The following ABCB1 variants were observed in gnomAD, a reference collection of about 807,000 sequenced individuals.
ABCB1 encodes ATP binding cassette subfamily B member 1, also known as ATP-dependent translocase ABCB1.
ABCB1 carries 69 observed loss-of-function variants against 142.0 expected under a neutral mutation model. The observed-to-expected ratio is 0.49, with a 90% CI of 0.40 to 0.59. The LOEUF is 0.59. ABCB1 is among the 20% of genes least tolerant of loss of function. The pLI, the probability that ABCB1 is intolerant of heterozygous loss-of-function variation, is 0.00. For synonymous variants in ABCB1, 532 were observed against 539.2 expected, an observed-to-expected ratio of 0.99 and a Z score of 0.18; for missense variants, 1,326 against 1,554.7, an observed-to-expected ratio of 0.85 and a Z score of 2.47.
At chr7:87,585,085 C>T (rs1818680845) in intron 4 of ABCB1, among the ~76,000 whole-genome samples, 1 of 152,198 alleles carries the variant, frequency 6.6e-6, no homozygotes, top group Non-Finnish European at 1.5e-5. Context: ...CCTTCTCCAT[C>T]TCTCATTTCT....
intron 1 of ABCB1, among the ~76,000 whole-genome samples, chr7:87,621,164 A>G (rs572243847): frequency 6.6e-6 from 1 of 152,178 alleles, no homozygotes; most frequent in Admixed American, 6.5e-5. Context: ...AATGATTCTT[A>G]CGTTTCTATG....
intron 13 of ABCB1, 145 bp downstream of exon 13, chr7:87,549,706 A>G (rs1816960628): frequency 9.2e-6 from 12 of 1,305,942 alleles, no homozygotes; most frequent in South Asian, 6.0e-5. Context: ...TGATACTGCT[A>G]GAGCTTTCAA....
intron 11 of ABCB1, 32 bp downstream of exon 11, chr7:87,550,436 A>G (rs755377472): frequency 1.2e-6 from 2 of 1,605,558 alleles, no homozygotes; most frequent in Non-Finnish European, 1.7e-6. Context: ...CATTCAATAG[A>G]TTAATTGTTG....
intron 1 of ABCB1, among the ~76,000 whole-genome samples, chr7:87,662,084 A>T (rs543877949): frequency 3.3e-4 from 50 of 152,126 alleles, no homozygotes; most frequent in African/African-American, 1.1e-3. Flanking sequence ...TCTTTTGCCC[A>T]TTTTAAGTTT....
At chr7:87,525,794 G>A (rs925672568) in intron 21 of ABCB1, among the ~76,000 whole-genome samples, 7 of 152,128 alleles carry the variant, frequency 4.6e-5, no homozygotes, top group Non-Finnish European at 8.8e-5. Context: ...GGGAAAGGCA[G>A]GCACACCTGG....
chr7:87,698,288 G>C (rs967131009), intron 1 of ABCB1, among the ~76,000 whole-genome samples: 3 of 152,098 alleles, frequency 2.0e-5, no homozygotes, highest in Non-Finnish European at 2.9e-5. Context: ...TTTTAGTAGA[G>C]AGGGGGTTTC....
At chr7:87,626,921 G>A (rs1016019237) in intron 1 of ABCB1, among the ~76,000 whole-genome samples, 6 of 152,006 alleles carry the variant, frequency 3.9e-5, no homozygotes, top group East Asian at 1.9e-4. Context: ...CACTACAGGC[G>A]CGTGCCACCA....
chr7:87,610,232 C>CTTTTTTTTT (rs914468581), intron 1 of ABCB1, among the ~76,000 whole-genome samples: 7 of 117,038 alleles, frequency 6.0e-5, no homozygotes, highest in Non-Finnish European at 1.1e-4. Flanking sequence ...CTTTTTCTTT[C>CTTTTTTTTT]TTTTTTTTTT....
intron 1 of ABCB1, among the ~76,000 whole-genome samples, chr7:87,633,558 C>T (rs994328641): frequency 6.6e-6 from 1 of 152,172 alleles, no homozygotes; most frequent in Non-Finnish European, 1.5e-5. Context: ...TTATTTCTTA[C>T]AACTCTTTTT....
At chr7:87,575,033 C>G (rs73200308) in intron 4 of ABCB1, among the ~76,000 whole-genome samples, 5 of 152,276 alleles carry the variant, frequency 3.3e-5, no homozygotes, top group African/African-American at 4.8e-5. Context: ...CATTCTCCTA[C>G]TTTGTATACA....
At chr7:87,591,171 G>A (rs1167090086) in intron 3 of ABCB1, among the ~76,000 whole-genome samples, 1 of 152,112 alleles carries the variant, frequency 6.6e-6, no homozygotes, top group East Asian at 1.9e-4. Flanking sequence ...AGAGGTTGGA[G>A]TGATGCAAGG....
Position 87,515,292 on chromosome 7 carries a change from C to T in ABCB1, c.3221G>A (p.Cys1074Tyr), listed in dbSNP as rs1025622951. ...QTLALVGSSG[C>Y]GKSTVVQLLE... ...GAGCTGGACCACTGTGCTCTTCCCA[C>T]AGCCACTGCTGCCCACCAGAGCCAG... Residue 1074 changes from cysteine to tyrosine, a missense_variant, in exon 25 of 28, where the codon TGT becomes TAT. By Grantham distance (194) the Cys-to-Tyr change is radical. Coordinates refer to ENST00000622132, the MANE Select transcript of ABCB1 (RefSeq NM_001348946.2). The T allele has an allele frequency of 6.2e-7, 1 of 1,614,102 alleles. No individual in the cohort carries two copies. Among genetic ancestry groups the T allele is most frequent in the Non-Finnish European group, 8.5e-7 (1 of 1,180,044 alleles).
chr7:87,685,894 T>C (rs2130616856), intron 1 of ABCB1, among the ~76,000 whole-genome samples: 1 of 152,332 alleles, frequency 6.6e-6, no homozygotes, highest in South Asian at 2.1e-4. Flanking sequence ...GATTATAATA[T>C]GTAAGATTCT....
chr7:87,700,549 G>A, intron 1 of ABCB1: 1 of 1,609,688 alleles, frequency 6.2e-7, no homozygotes, highest in Non-Finnish European at 8.5e-7. Flanking sequence ...TTCTTCTAGA[G>A]CTAAGGTAAG....
rs1039532215 is a variant in ABCB1 at position 87,531,682 on chromosome 7, C to T, written c.2482-185G>A. On this transcript the variant is annotated intron_variant, in intron 20 of 27. Coordinates refer to ENST00000622132, the MANE Select transcript of ABCB1 (RefSeq NM_001348946.2). ...TAAGAATTTCCATGACTTCAGAATG[C>T]TGAAAGTAGAATATCAACAATCTAG... 1.7e-5 allele frequency: 10 copies of T among 598,438 alleles called. No homozygotes were observed. In the African/African-American group the frequency reaches 1.7e-4, roughly 10 times the overall value. The allele number at this position is 598,438 out of a possible 1,614,324, so 37.1% of individuals were successfully genotyped here. A position where few individuals can be genotyped will look rare whatever the true frequency, so the allele number is the denominator to read the frequency against.
intron 1 of ABCB1, among the ~76,000 whole-genome samples, chr7:87,630,193 C>T (rs1434991206): frequency 1.3e-5 from 2 of 152,128 alleles, no homozygotes; most frequent in East Asian, 1.9e-4. Flanking sequence ...TGTATTTTTC[C>T]GTTATTTTTC....
intron 1 of ABCB1, among the ~76,000 whole-genome samples, chr7:87,670,913 T>C (rs1013545418): frequency 6.6e-6 from 1 of 152,236 alleles, no homozygotes; most frequent in Non-Finnish European, 1.5e-5. Context: ...CCTTGAATGC[T>C]GGCTGTAGAT....
At chr7:87,600,732 C>T in intron 1 of ABCB1, 23 bp downstream of exon 1, 1 of 153,934 alleles carries the variant, frequency 6.5e-6, no homozygotes, top group Non-Finnish European at 1.4e-5. Flanking sequence ...CCCATAGTAG[C>T]TCCCAGCTTT....
At chr7:87,576,445 AATT>A (rs1350722925) in intron 4 of ABCB1, among the ~76,000 whole-genome samples, 2 of 149,402 alleles carry the variant, frequency 1.3e-5, no homozygotes, top group African/African-American at 4.9e-5. Flanking sequence ...TATAAAATAT[AATT>A]ATATGTAAGT....
Sources: gnomAD v4.1 joint callset for allele counts (sites outside exome capture counted in the v4.1 genomes callset) on GRCh38, gnomAD v4.1.1 for gene constraint, MANE v1.5 for transcripts, NCBI Gene and HGNC (gene_info 2026-07-23, HGNC 2026-07-21) for gene names.